CISD2: variants seen among roughly 807,000 people sequenced by gnomAD.
CISD2 encodes the protein CDGSH iron-sulfur domain-containing protein 2.
CISD2 carries 1 observed loss-of-function variant against 12.9 expected under a neutral mutation model. The observed-to-expected ratio is 0.08, with a 90% CI of 0.03 to 0.37. CISD2 has a LOEUF of 0.37. Ranked by LOEUF, CISD2 falls within the 10% of genes least tolerant of loss-of-function variation. The pLI, the probability that CISD2 is intolerant of heterozygous loss-of-function variation, is 0.99. For missense variants in CISD2, 97 were observed against 163.1 expected (o/e 0.59, Z 2.21); for synonymous variants, 50 against 60.6 (o/e 0.83, Z 0.81).
chr4:102,879,524 T>A (rs1733667244), intron 1 of CISD2, among the ~76,000 whole-genome samples: 1 of 152,148 alleles, frequency 6.6e-6, no homozygotes, highest in Non-Finnish European at 1.5e-5. Context: ...GGCTAATGCC[T>A]GTAATCTCAG....
chr4:102,876,247 T>C (rs1733588705), intron 1 of CISD2, among the ~76,000 whole-genome samples: 1 of 152,220 alleles, frequency 6.6e-6, no homozygotes, highest in Non-Finnish European at 1.5e-5. Flanking sequence ...ATTCCTGCTT[T>C]ACAGACAAAA....
chr4:102,881,120 A>T (rs1048655274), intron 1 of CISD2, among the ~76,000 whole-genome samples: 5 of 152,078 alleles, frequency 3.3e-5, no homozygotes, highest in Middle Eastern at 3.2e-3. Context: ...CACATGTAAA[A>T]TTTTTTTTAA....
intron 1 of CISD2, among the ~76,000 whole-genome samples, chr4:102,876,087 T>A (rs536241522): frequency 6.6e-6 from 1 of 152,356 alleles, no homozygotes; most frequent in East Asian, 1.9e-4. Context: ...CTTGTTTATT[T>A]GTTCACTTGT....
chr4:102,886,544 A>G (rs1243412119), intron 2 of CISD2, among the ~76,000 whole-genome samples: 1 of 152,138 alleles, frequency 6.6e-6, no homozygotes, highest in Non-Finnish European at 1.5e-5. Context: ...AAAATATACC[A>G]AACTGTTAAT....
Position 102,888,493 on chromosome 4 carries a change from C to T in CISD2, c.*1063C>T, listed in dbSNP as rs1214580915. ...TGAAAAAAGTATGCGCGTAATTGTACCCACCCAGTTCAAACCCGTGTGTAA... is the reference window on the plus strand; with the variant it reads ...TGAAAAAAGTATGCGCGTAATTGTATCCACCCAGTTCAAACCCGTGTGTAA... On this transcript the variant is annotated 3_prime_UTR_variant, in exon 3 of 3. Transcript: ENST00000273986. 6.6e-6 allele frequency: 1 copy of T among 152,236 alleles called. No individual in the cohort carries two copies. The highest frequency in any genetic ancestry group is 1.5e-5 in the Non-Finnish European group (1 of 68,046). 9.4% of individuals were successfully genotyped at this position (152,236 alleles called of 1,614,324 possible).
At chr4:102,870,836 A>G (rs1381620481) in intron 1 of CISD2, among the ~76,000 whole-genome samples, 3 of 152,166 alleles carry the variant, frequency 2.0e-5, no homozygotes, top group Non-Finnish European at 4.4e-5. Context: ...TAACATCACA[A>G]TGGGCCTAAC....
intron 1 of CISD2, among the ~76,000 whole-genome samples, chr4:102,875,125 C>T (rs1270007399): frequency 6.6e-6 from 1 of 152,218 alleles, no homozygotes; most frequent in Non-Finnish European, 1.5e-5. Context: ...TACTATGGTG[C>T]TTAGTTTCCC....
At chr4:102,887,193 T>C (rs775742176) in intron 2 of CISD2, 148 bp from the exon 3 acceptor site, 4 of 585,736 alleles carry the variant, frequency 6.8e-6, no homozygotes, top group Non-Finnish European at 1.2e-5. Context: ...TATGGTTCAG[T>C]TGGATGTAGA....
chr4:102,885,425 A>C lies in CISD2; in HGVS notation c.313A>C (p.Lys105Gln). 1.2e-6 allele frequency: 2 copies of C among 1,613,512 alleles called. No individual in the cohort carries two copies. Among genetic ancestry groups the C allele is most frequent in the Non-Finnish European group, 1.7e-6 (2 of 1,179,514 alleles). The change falls in exon 2 of 3, where the codon AAA becomes CAA. Residue 105 changes from lysine to glutamine, a missense_variant. Lys to Gln is a moderately conservative substitution (Grantham distance 53). This residue lies in a region of CISD2 where 8 missense variants were observed against 48.7 expected (regional missense o/e 0.16). Transcript: ENST00000273986. ...AGCTTATTGTAGGTGTTGGCGTTCT[A>C]AAACGGTAAGATGTCTGTTTACGTG... ...KAAYCRCWRS[K>Q]TFPACDGSHN...
chr4:102,869,238 G>A (rs372503940), intron 1 of CISD2, 51 bp downstream of exon 1: 9 of 1,560,236 alleles, frequency 5.8e-6, no homozygotes, highest in Middle Eastern at 1.7e-4. Flanking sequence ...CGCCAAGCGG[G>A]GGAAGGAGGC....
intron 1 of CISD2, among the ~76,000 whole-genome samples, chr4:102,874,291 A>C (rs1298957240): frequency 6.6e-6 from 1 of 152,132 alleles, no homozygotes; most frequent in African/African-American, 2.4e-5. Context: ...GTATTCATGG[A>C]CATGAAGATG....
At chr4:102,877,590 G>A (rs907051996) in intron 1 of CISD2, among the ~76,000 whole-genome samples, 1 of 152,230 alleles carries the variant, frequency 6.6e-6, no homozygotes, top group African/African-American at 2.4e-5. Flanking sequence ...GCCTTCTCAT[G>A]GCTCTGCCAG....
chr4:102,889,374 T>C lies in CISD2; in HGVS notation c.*1944T>C, dbSNP rs1477361849. On this transcript the variant is annotated 3_prime_UTR_variant, in exon 3 of 3. Coordinates refer to ENST00000273986, the MANE Select transcript of CISD2 (RefSeq NM_001008388.5). ...GGAAAAAATCCACCTCACCAAAATT[T>C]TGGATATCCTGATCTGTGTTCATGA... The C allele has an allele frequency of 2.0e-5, 3 of 152,218 alleles. No individual in the cohort carries two copies. The highest frequency in any genetic ancestry group is 4.4e-5 in the Non-Finnish European group (3 of 68,048). The allele number at this position is 152,218 out of a possible 1,614,324, so 9.4% of individuals were successfully genotyped here.
chr4:102,880,647 C>CA (rs1157725210), intron 1 of CISD2, among the ~76,000 whole-genome samples: 76 of 151,610 alleles, frequency 5.0e-4, no homozygotes, highest in African/African-American at 1.7e-3. Flanking sequence ...CACTGCACAT[C>CA]AGCCTGGGTG....
chr4:102,880,434 TAC>T (rs1287832233), intron 1 of CISD2, among the ~76,000 whole-genome samples: 12 of 152,238 alleles, frequency 7.9e-5, no homozygotes, highest in African/African-American at 2.7e-4. Flanking sequence ...AAAAAAGAGA[TAC>T]ATTTACCAAA....
At chr4:102,870,559 T>C (rs936472168) in intron 1 of CISD2, among the ~76,000 whole-genome samples, 10 of 152,170 alleles carry the variant, frequency 6.6e-5, no homozygotes, top group African/African-American at 2.4e-4. Flanking sequence ...GTAGAAAACA[T>C]GCAATTGAAT....
intron 2 of CISD2, 81 bp downstream of exon 2, chr4:102,885,511 C>CT: frequency 1.9e-6 from 2 of 1,073,020 alleles, no homozygotes; most frequent in Non-Finnish European, 2.8e-6. Flanking sequence ...TTTTGAAGTT[C>CT]TTTAAGATGA....
rs1370015937 is a variant in CISD2 at position 102,885,361 on chromosome 4, G to C, written c.249G>C (p.Val83=). ...LKIQKENPKV[V]NEINIEDLCL... Reference sequence around the variant, plus strand: ...TACAAAAGGAAAATCCGAAAGTAGTGAATGAAATAAACATTGAAGATTTGT... The same window carrying C: ...TACAAAAGGAAAATCCGAAAGTAGTCAATGAAATAAACATTGAAGATTTGT... The change falls in exon 2 of 3, where the codon GTG becomes GTC. Residue 83 remains valine (V), a synonymous_variant. Coordinates refer to ENST00000273986, the MANE Select transcript of CISD2 (RefSeq NM_001008388.5). 1.2e-6 allele frequency: 2 copies of C among 1,614,068 alleles called. No individual in the cohort carries two copies. The highest frequency in any genetic ancestry group is 1.7e-6 in the Non-Finnish European group (2 of 1,179,940).
chr4:102,885,875 G>A (rs1733885020), intron 2 of CISD2, among the ~76,000 whole-genome samples: 1 of 152,166 alleles, frequency 6.6e-6, no homozygotes, highest in Non-Finnish European at 1.5e-5. Flanking sequence ...GAAGTGAGAT[G>A]ATATATGTAA....
Sources: allele counts gnomAD v4.1 joint callset (sites outside exome capture counted in the v4.1 genomes callset), GRCh38; gene constraint gnomAD v4.1.1; regional missense constraint gnomAD v4.1.1; transcripts MANE v1.5; gene names NCBI Gene and HGNC (gene_info 2026-07-23, HGNC 2026-07-21).